ATP2B1: variants seen among roughly 807,000 people sequenced by gnomAD.
ATP2B1 encodes ATPase plasma membrane Ca2+ transporting 1.
A neutral mutation model predicts 124.2 loss-of-function variants in ATP2B1; 14 were observed. The ratio of observed to expected loss-of-function variants is 0.11; its 90% CI spans 0.07 to 0.18. The LOEUF (loss-of-function observed/expected upper bound fraction) is 0.18. Among genes scored for constraint, ATP2B1 ranks in the 10% least tolerant of loss-of-function variants. ATP2B1 has a pLI of 1.00. For synonymous variants in ATP2B1, 449 were observed against 492.4 expected (o/e 0.91, Z 1.17); for missense variants, 763 against 1,466.1 (o/e 0.52, Z 7.83).
At position 89,627,073 on chromosome 12, in the gene ATP2B1, A is replaced by G. The variant is rs1354981834; in HGVS notation, c.968-458T>C. ...CTTATGCATTTTTGCTACTAACTAT[A>G]TAATAACCAGCGTTCAAATACTTGA... On this transcript the variant is annotated intron_variant, in intron 7 of 20. Transcript: ENST00000428670. Among the ~76,000 whole-genome samples the G allele has an allele frequency of 2.0e-5, 3 of 152,132 alleles. No homozygotes were observed. In the South Asian group the frequency reaches 6.2e-4, roughly 31 times the overall value.
At chr12:89,676,518 C>T (rs980970350) in intron 1 of ATP2B1, among the ~76,000 whole-genome samples, 3 of 152,064 alleles carry the variant, frequency 2.0e-5, no homozygotes, top group African/African-American at 7.2e-5. Context: ...TCTCCACCTC[C>T]TGGTAGCTGG....
At chr12:89,623,914 G>A (rs1295375845) in intron 9 of ATP2B1, among the ~76,000 whole-genome samples, 1 of 152,100 alleles carries the variant, frequency 6.6e-6, no homozygotes, top group Non-Finnish European at 1.5e-5. Flanking sequence ...TAACTATCAC[G>A]TAGAGAAAAT....
At chr12:89,695,191 C>T (rs562427545) in intron 1 of ATP2B1, among the ~76,000 whole-genome samples, 1 of 152,072 alleles carries the variant, frequency 6.6e-6, no homozygotes, top group Admixed American at 6.5e-5. Flanking sequence ...AAACAATATA[C>T]CCCTATTCAT....
At chr12:89,653,357 C>T (rs866325416) in intron 2 of ATP2B1, among the ~76,000 whole-genome samples, 9 of 139,116 alleles carry the variant, frequency 6.5e-5, no homozygotes, top group East Asian at 2.1e-4. Flanking sequence ...ACTGCAGTGG[C>T]GCAATCTCGG....
chr12:89,593,476 G>C lies in ATP2B1; in HGVS notation c.3352-2181C>G, dbSNP rs1196952336. 2.0e-5 allele frequency: 3 copies of C among 152,042 alleles called. No homozygotes were observed. The East Asian group carries it at 5.8e-4, about 29-fold the overall frequency. The allele number at this position is 152,042 out of a possible 1,614,324, so 9.4% of individuals were successfully genotyped here. A position where few individuals can be genotyped will look rare whatever the true frequency, so the allele number is the denominator to read the frequency against. On this transcript the variant is annotated intron_variant, in intron 20 of 20. Coordinates refer to ENST00000428670, the MANE Select transcript of ATP2B1 (RefSeq NM_001366521.1). ...AACAACAGTTAAGCTTTCTGTGTAT[G>C]TGTGTGTTTTCCATCTGTTTTTCTT...
At chr12:89,625,963 T>C (rs1880812474) in intron 8 of ATP2B1, among the ~76,000 whole-genome samples, 1 of 152,194 alleles carries the variant, frequency 6.6e-6, no homozygotes, top group Non-Finnish European at 1.5e-5. Flanking sequence ...CTCTGCTTTT[T>C]CCCTTAAAGA....
At chr12:89,705,146 A>G (rs1002094503) in intron 1 of ATP2B1, among the ~76,000 whole-genome samples, 1 of 152,172 alleles carries the variant, frequency 6.6e-6, no homozygotes, top group African/African-American at 2.4e-5. Context: ...GTATGTATAG[A>G]TAACATTTCT....
At chr12:89,622,019 T>C (rs558082145) in intron 9 of ATP2B1, among the ~76,000 whole-genome samples, 27 of 152,128 alleles carry the variant, frequency 1.8e-4, no homozygotes, top group African/African-American at 3.6e-4. Context: ...AATCATTTTA[T>C]TGCTGCATAA....
At chr12:89,704,731 TTAA>T (rs902973040) in intron 1 of ATP2B1, among the ~76,000 whole-genome samples, 122 of 152,262 alleles carry the variant, frequency 8.0e-4, no homozygotes, top group African/African-American at 2.9e-3. Flanking sequence ...TGTAAAGTAG[TTAA>T]TAATAATACC....
rs771804306 is a variant in ATP2B1 at position 89,590,218 on chromosome 12, A to C, written c.*766T>G. On this transcript the variant is annotated 3_prime_UTR_variant, in exon 21 of 21. Transcript: ENST00000428670. ...AAACCATTAAGTAGTAAATGTATTT[A>C]AGAAACTAATTAGGACAGATGTCAT... 4 of 152,554 alleles carry C rather than the reference A, an allele frequency of 2.6e-5. No individual in the cohort carries two copies. Among genetic ancestry groups the C allele is most frequent in the Non-Finnish European group, 5.9e-5 (4 of 68,012 alleles). 9.5% of individuals were successfully genotyped at this position (152,554 alleles called of 1,614,324 possible). A position where few individuals can be genotyped will look rare whatever the true frequency, so the allele number is the denominator to read the frequency against.
At chr12:89,681,035 T>G (rs984384596) in intron 1 of ATP2B1, among the ~76,000 whole-genome samples, 1 of 152,158 alleles carries the variant, frequency 6.6e-6, no homozygotes, top group Non-Finnish European at 1.5e-5. Flanking sequence ...AGGAATTTAT[T>G]AGAGAGTGAA....
At position 89,626,600 on chromosome 12, in the gene ATP2B1, C is replaced by T. The variant is rs1880907740; in HGVS notation, c.983G>A (p.Gly328Asp). The change falls in exon 8 of 21, where the codon GGT becomes GAT. Residue 328 changes from glycine (G) to aspartate (D), a missense_variant. Gly to Asp is a moderately conservative substitution (Grantham distance 94, BLOSUM62 -1). Transcript: ENST00000428670. ...CAATGGCTGCATTTCCATGGCTGCA[C>T]CATCCTGGGCTTTTGCTACATTTAA... ...ENRNKAKAQD[G>D]AAMEMQPLKS... The T allele has an allele frequency of 1.1e-5, 17 of 1,598,506 alleles. No individual in the cohort carries two copies. The highest frequency in any genetic ancestry group is 1.4e-5 in the Non-Finnish European group (17 of 1,175,922).
chr12:89,631,886 C>A (rs1162565142), intron 5 of ATP2B1, among the ~76,000 whole-genome samples: 1 of 151,516 alleles, frequency 6.6e-6, no homozygotes, highest in African/African-American at 2.4e-5. Flanking sequence ...CCCGTCTTAG[C>A]CCCCAAAGTG....
chr12:89,620,119 T>G lies in ATP2B1; in HGVS notation c.1709A>C (p.Glu570Ala). 6.2e-7 allele frequency: 1 copy of G among 1,614,096 alleles called. No homozygotes were observed. The highest frequency in any genetic ancestry group is 8.5e-7 in the Non-Finnish European group (1 of 1,179,992). Residue 570 changes from glutamate to alanine, a missense_variant, in exon 11 of 21, where the codon GAA becomes GCA. Physicochemically the swap from Glu to Ala is moderately radical, Grantham distance 107 (BLOSUM62 -1). This residue lies in a region of ATP2B1 where 392 missense variants were observed against 776.6 expected (regional missense o/e 0.50). Transcript: ENST00000428670. ...GAAGGTGTAGACTTTGTACAGTGCT[T>G]CTTCTGGTATTTCATTTCTAACATC... ...YQDVRNEIPE[E>A]ALYKVYTFNS... is the part of the protein sequence containing the mutation.
chr12:89,709,094 C>G (rs1267353898), upstream of ATP2B1: 1 of 150,792 alleles, frequency 6.6e-6, no homozygotes, highest in Non-Finnish European at 1.5e-5. Context: ...CGGGGCGGGG[C>G]CCGCGGGCAC....
chr12:89,629,121 T>C (rs575717768), intron 6 of ATP2B1, among the ~76,000 whole-genome samples: 1 of 152,322 alleles, frequency 6.6e-6, no homozygotes, highest in Non-Finnish European at 1.5e-5. Flanking sequence ...GAAAAGACAC[T>C]GTGGAATACA....
intron 1 of ATP2B1, among the ~76,000 whole-genome samples, chr12:89,687,564 A>C: frequency 6.6e-6 from 1 of 152,020 alleles, no homozygotes; most frequent in Non-Finnish European, 1.5e-5. Context: ...TCCCCCATGG[A>C]AACTGAGGGA....
chr12:89,652,597 G>A (rs1885400472), intron 2 of ATP2B1, among the ~76,000 whole-genome samples: 1 of 152,086 alleles, frequency 6.6e-6, no homozygotes, highest in Non-Finnish European at 1.5e-5. Context: ...ACTCCTAATT[G>A]CTTACTCCTG....
intron 19 of ATP2B1, among the ~76,000 whole-genome samples, chr12:89,599,984 T>C (rs1191012898): frequency 6.6e-6 from 1 of 152,174 alleles, no homozygotes; most frequent in East Asian, 1.9e-4. Context: ...GGAGAACTTC[T>C]AGTACACCCA....
Sources: allele counts gnomAD v4.1 joint callset (sites outside exome capture counted in the v4.1 genomes callset), GRCh38; gene constraint gnomAD v4.1.1; regional missense constraint gnomAD v4.1.1; transcripts MANE v1.5; gene names NCBI Gene and HGNC (gene_info 2026-07-23, HGNC 2026-07-21).